Variants in SYNE1 observed in about 807,000 individuals in gnomAD.
SYNE1 encodes the protein spectrin repeat containing nuclear envelope protein 1.
Under a neutral mutation model 1,111.0 loss-of-function variants are expected in SYNE1, and 616 were observed. That is an observed-to-expected ratio of 0.55 (90% CI 0.52 to 0.59). The LOEUF (loss-of-function observed/expected upper bound fraction) is 0.59. SYNE1 is among the 20% of genes least tolerant of loss of function. The pLI is 0.00. For missense variants in SYNE1, 10,006 were observed against 10,417.0 expected (o/e 0.96, Z 1.72); for synonymous variants, 3,855 against 3,825.8 (o/e 1.01, Z -0.28).
intron 11 of SYNE1, among the ~76,000 whole-genome samples, chr6:152,498,496 T>G (rs1180002789): frequency 6.6e-6 from 1 of 152,200 alleles, no homozygotes; most frequent in African/African-American, 2.4e-5. Context: ...AGAAATTAAT[T>G]GATAGATACC....
intron 8 of SYNE1, among the ~76,000 whole-genome samples, chr6:152,509,344 C>T (rs1446567306): frequency 6.6e-6 from 1 of 151,064 alleles, no homozygotes; most frequent in Non-Finnish European, 1.5e-5. Flanking sequence ...GCAACCTCCA[C>T]CTCCCAGGTT....
At chr6:152,328,162 G>T (rs372757298) in intron 78 of SYNE1, among the ~76,000 whole-genome samples, 1 of 151,964 alleles carries the variant, frequency 6.6e-6, no homozygotes, top group Non-Finnish European at 1.5e-5. Flanking sequence ...AGCCTTATAG[G>T]ATGTCATTTT....
intron 3 of SYNE1, among the ~76,000 whole-genome samples, chr6:152,562,870 G>T (rs1057191638): frequency 6.6e-6 from 1 of 152,066 alleles, no homozygotes; most frequent in Non-Finnish European, 1.5e-5. Context: ...ATAAATGCTG[G>T]TTTTAGGTTT....
chr6:152,226,572 GAAGAA>G (rs2081617876), intron 115 of SYNE1, among the ~76,000 whole-genome samples: 1 of 152,150 alleles, frequency 6.6e-6, no homozygotes, highest in Non-Finnish European at 1.5e-5. Context: ...AAAGCAAAAT[GAAGAA>G]AAGATCTGGA....
intron 3 of SYNE1, among the ~76,000 whole-genome samples, chr6:152,587,859 A>T (rs2099545719): frequency 6.6e-6 from 1 of 152,202 alleles, no homozygotes; most frequent in Non-Finnish European, 1.5e-5. Flanking sequence ...CATTGTCCGG[A>T]AGAAATTCCT....
At chr6:152,188,134 C>A (rs539235835) in intron 128 of SYNE1, among the ~76,000 whole-genome samples, 2 of 152,216 alleles carry the variant, frequency 1.3e-5, no homozygotes, top group East Asian at 3.9e-4. Context: ...TTAAACTTGA[C>A]GATAGGGACA....
intron 4 of SYNE1, among the ~76,000 whole-genome samples, chr6:152,528,043 T>C (rs1046103511): frequency 1.3e-5 from 2 of 152,164 alleles, no homozygotes. Flanking sequence ...GCATGGGACA[T>C]TGCCAATACC....
chr6:152,253,313 C>A (rs1382862187), intron 104 of SYNE1, among the ~76,000 whole-genome samples: 4 of 152,142 alleles, frequency 2.6e-5, no homozygotes, highest in Non-Finnish European at 5.9e-5. Flanking sequence ...GTTTTAGATC[C>A]TGTATCTCTT....
chr6:152,465,236 T>C (rs1403211473), intron 18 of SYNE1, 22 bp downstream of exon 18: 2 of 1,612,810 alleles, frequency 1.2e-6, no homozygotes, highest in South Asian at 2.2e-5. Context: ...ACGTCTTTTC[T>C]TTTTGCATGA....
chr6:152,208,298 G>T, intron 124 of SYNE1, 92 bp from the exon 125 acceptor site: 2 of 1,142,952 alleles, frequency 1.7e-6, no homozygotes, highest in Non-Finnish European at 2.6e-6. Flanking sequence ...ACAACCCTAA[G>T]CCCTGAGAAG....
intron 7 of SYNE1, 142 bp from the exon 8 acceptor site, chr6:152,510,513 A>T (rs2099079798): frequency 1.1e-6 from 1 of 921,354 alleles, no homozygotes; most frequent in Non-Finnish European, 1.7e-6. Flanking sequence ...AAAGGGCATG[A>T]TTGATATCTT....
At chr6:152,533,902 T>C (rs1383298900) in intron 4 of SYNE1, among the ~76,000 whole-genome samples, 1 of 152,206 alleles carries the variant, frequency 6.6e-6, no homozygotes, top group African/African-American at 2.4e-5. Context: ...CTTACAGCTG[T>C]AATCCCAGCA....
intron 22 of SYNE1, among the ~76,000 whole-genome samples, chr6:152,456,989 A>G (rs890676635): frequency 6.6e-6 from 1 of 152,164 alleles, no homozygotes; most frequent in African/African-American, 2.4e-5. Flanking sequence ...ATTAGATTTT[A>G]TTATTAATAA....
At chr6:152,174,182 G>A (rs906639117) in intron 130 of SYNE1, among the ~76,000 whole-genome samples, 1 of 152,100 alleles carries the variant, frequency 6.6e-6, no homozygotes, top group Non-Finnish European at 1.5e-5. Context: ...ATCAATCTAT[G>A]AGTCAAATTT....
intron 53 of SYNE1, among the ~76,000 whole-genome samples, chr6:152,389,974 C>T (rs1004231667): frequency 3.9e-5 from 6 of 152,132 alleles, no homozygotes; most frequent in Non-Finnish European, 8.8e-5. Flanking sequence ...ATTAAAGAAC[C>T]ATATATTCTT....
At chr6:152,192,558 A>G (rs534427534) in intron 127 of SYNE1, among the ~76,000 whole-genome samples, 1 of 152,040 alleles carries the variant, frequency 6.6e-6, no homozygotes, top group South Asian at 2.1e-4. Flanking sequence ...TGTAACGTCC[A>G]CCACCTGGGT....
chr6:152,175,327 T>A (rs1177417353), intron 130 of SYNE1, among the ~76,000 whole-genome samples: 1 of 152,234 alleles, frequency 6.6e-6, no homozygotes, highest in African/African-American at 2.4e-5. Flanking sequence ...AAGAAATATA[T>A]CCAATGTTTT....
At position 152,189,337 on chromosome 6, in the gene SYNE1, G is replaced by A; in HGVS notation, c.23216C>T (p.Ser7739Phe). ...GATATCATCAGCACTGATATAGGCA[G>A]AGAGGGTGTCCTTCAGCAGGCTCAA... ...TQLSLLKDTL[S>F]AYISADDISI... The change falls in exon 128 of 146, where the codon TCT becomes TTT. Residue 7739 changes from serine to phenylalanine, a missense_variant. Ser to Phe is a radical substitution (Grantham distance 155, BLOSUM62 -2). Around this residue, in one of 7 missense-constraint regions of SYNE1, gnomAD observed 2,182 missense variants for 2,287.8 expected, o/e 0.95. Coordinates refer to ENST00000367255, the MANE Select transcript of SYNE1 (RefSeq NM_182961.4). 6.2e-7 allele frequency: 1 copy of A among 1,614,112 alleles called. No individual in the cohort carries two copies. The highest frequency in any genetic ancestry group is 1.3e-5 in the African/African-American group (1 of 75,040).
At chr6:152,585,479 T>C (rs1276550080) in intron 3 of SYNE1, among the ~76,000 whole-genome samples, 1 of 152,266 alleles carries the variant, frequency 6.6e-6, no homozygotes, top group Non-Finnish European at 1.5e-5. Flanking sequence ...TAAGTGCAGA[T>C]GTTTTCGTCT....
Sources: gnomAD v4.1 joint callset for allele counts (sites outside exome capture counted in the v4.1 genomes callset) on GRCh38, gnomAD v4.1.1 for gene constraint, gnomAD v4.1.1 regional missense constraint, MANE v1.5 for transcripts, NCBI Gene and HGNC (gene_info 2026-07-23, HGNC 2026-07-21) for gene names.